Variants in TRIM2 observed in about 807,000 individuals in gnomAD.
TRIM2 encodes the protein tripartite motif-containing protein 2.
A neutral mutation model predicts 75.2 loss-of-function variants in TRIM2; 20 were observed. The observed-to-expected ratio is 0.27, with a 90% CI of 0.19 to 0.39. The LOEUF is 0.39. TRIM2 is among the 10% of genes least tolerant of loss of function. The pLI, the probability that TRIM2 is intolerant of heterozygous loss-of-function variation, is 1.00. For synonymous variants in TRIM2, 373 were observed against 388.3 expected (o/e 0.96, Z 0.46); for missense variants, 660 against 990.8 (o/e 0.67, Z 4.48).
intron 1 of TRIM2, among the ~76,000 whole-genome samples, chr4:153,209,968 T>C (rs1450951024): frequency 6.6e-6 from 1 of 152,154 alleles, no homozygotes; most frequent in Non-Finnish European, 1.5e-5. Flanking sequence ...CTCAGAATCA[T>C]GCACCATAAA....
intron 1 of TRIM2, among the ~76,000 whole-genome samples, chr4:153,263,310 CAGAG>C: frequency 6.6e-6 from 1 of 151,138 alleles, no homozygotes; most frequent in East Asian, 1.9e-4. Flanking sequence ...GCACGGGTGA[CAGAG>C]GGAGACCCTG....
chr4:153,212,975 G>A (rs775740541), intron 1 of TRIM2, among the ~76,000 whole-genome samples: 1 of 152,136 alleles, frequency 6.6e-6, no homozygotes, highest in Non-Finnish European at 1.5e-5. Flanking sequence ...TCTCCTACCA[G>A]GGCATGTACT....
intron 1 of TRIM2, among the ~76,000 whole-genome samples, chr4:153,180,461 C>T (rs760734980): frequency 3.2e-4 from 49 of 152,214 alleles, no homozygotes; most frequent in Non-Finnish European, 5.6e-4. Flanking sequence ...GTGAAAGGCA[C>T]GTTTTCCCAG....
chr4:153,253,264 C>G (rs1751289247), intron 1 of TRIM2, among the ~76,000 whole-genome samples: 1 of 152,168 alleles, frequency 6.6e-6, no homozygotes, highest in African/African-American at 2.4e-5. Flanking sequence ...TAGTGTTTCT[C>G]AAAGGAGATG....
chr4:153,168,116 T>A (rs1730490431), intron 1 of TRIM2, among the ~76,000 whole-genome samples: 1 of 126,628 alleles, frequency 7.9e-6, no homozygotes, highest in Non-Finnish European at 1.9e-5. Context: ...AAGGTGTCTG[T>A]ACAAGGATTT....
chr4:153,235,192 TG>T (rs1391310406), intron 1 of TRIM2, among the ~76,000 whole-genome samples: 5 of 152,210 alleles, frequency 3.3e-5, no homozygotes, highest in African/African-American at 1.2e-4. Context: ...TGGTGACAGC[TG>T]TGTGACTCTG....
intron 1 of TRIM2, among the ~76,000 whole-genome samples, chr4:153,231,992 G>C (rs1320775540): frequency 6.6e-6 from 1 of 152,062 alleles, no homozygotes; most frequent in African/African-American, 2.4e-5. Flanking sequence ...GAGCATTTCG[G>C]ATTTCAGTCT....
Position 153,230,689 on chromosome 4 carries a change from T to C in TRIM2, c.30+26129T>C, listed in dbSNP as rs116269471. Among the ~76,000 whole-genome samples, 1,523 of 152,348 alleles carry C rather than the reference T, an allele frequency of 1.0e-2. 22 individuals carry two copies. Among genetic ancestry groups the C allele is most frequent in the African/African-American group, 0.032 (1,348 of 41,570 alleles). On this transcript the variant is annotated intron_variant, in intron 1 of 11. Coordinates refer to ENST00000338700, the MANE Select transcript of TRIM2 (RefSeq NM_015271.5). Reference sequence around the variant, plus strand: ...CAGTATGCTATCTGTCTTTTATTTATGAAGATAACCCTGTTGACCCACCAG... The same window carrying C: ...CAGTATGCTATCTGTCTTTTATTTACGAAGATAACCCTGTTGACCCACCAG...
At chr4:153,202,433 G>C (rs376865436), upstream of TRIM2, among the ~76,000 whole-genome samples, 13 of 152,046 alleles carry the variant, frequency 8.6e-5, no homozygotes, top group Admixed American at 8.5e-4. Flanking sequence ...GCGTTGGCTC[G>C]TGCCTGTAAT....
At chr4:153,220,069 G>A (rs1739541174) in intron 1 of TRIM2, among the ~76,000 whole-genome samples, 1 of 152,144 alleles carries the variant, frequency 6.6e-6, no homozygotes, top group Non-Finnish European at 1.5e-5. Context: ...ATTGAGGAAA[G>A]GGAGGAACAG....
At chr4:153,203,849 G>C (rs1003682125), upstream of TRIM2, among the ~76,000 whole-genome samples, 4 of 152,166 alleles carry the variant, frequency 2.6e-5, no homozygotes, top group South Asian at 8.3e-4. Flanking sequence ...CCAAGATTGT[G>C]CCACTGCACT....
chr4:153,161,618 T>G (rs1227628849), intron 1 of TRIM2, among the ~76,000 whole-genome samples: 1 of 152,254 alleles, frequency 6.6e-6, no homozygotes, highest in Non-Finnish European at 1.5e-5. Flanking sequence ...CCCTGCTTAG[T>G]GAGTGCTTCG....
chr4:153,305,972 T>C (rs1453788080), intron 6 of TRIM2, among the ~76,000 whole-genome samples: 2 of 152,020 alleles, frequency 1.3e-5, no homozygotes, highest in Non-Finnish European at 2.9e-5. Flanking sequence ...CCGTCTCTAC[T>C]AAAAACACAA....
upstream of TRIM2, among the ~76,000 whole-genome samples, chr4:153,201,537 A>G (rs748749280): frequency 1.3e-5 from 2 of 151,958 alleles, no homozygotes; most frequent in African/African-American, 2.4e-5. Flanking sequence ...TTGAAGCACA[A>G]AAGGTTTTAA....
chr4:153,264,004 A>G (rs1221977051), intron 1 of TRIM2, among the ~76,000 whole-genome samples: 14 of 152,192 alleles, frequency 9.2e-5, no homozygotes, highest in Non-Finnish European at 1.3e-4. Context: ...GGACACAGAC[A>G]TGGAGTCTAT....
At chr4:153,208,725 T>C (rs1736134893) in intron 1 of TRIM2, among the ~76,000 whole-genome samples, 2 of 152,158 alleles carry the variant, frequency 1.3e-5, no homozygotes, top group Non-Finnish European at 1.5e-5. Context: ...AGCTAGAACA[T>C]GTAGACTGCC....
upstream of TRIM2, chr4:153,204,401 T>A (rs1734816267): frequency 9.6e-7 from 1 of 1,044,470 alleles, no homozygotes; most frequent in Non-Finnish European, 1.5e-6. Flanking sequence ...TGGCTTGTGC[T>A]GACTAGCTGT....
intron 3 of TRIM2, among the ~76,000 whole-genome samples, chr4:153,287,970 C>A (rs531470580): frequency 1.3e-5 from 2 of 152,260 alleles, no homozygotes; most frequent in East Asian, 3.9e-4. Flanking sequence ...ATACTAGCAA[C>A]AGACACTCAG....
intron 11 of TRIM2, among the ~76,000 whole-genome samples, chr4:153,334,303 G>A (rs1044210450): frequency 6.6e-6 from 1 of 151,902 alleles, no homozygotes; most frequent in Non-Finnish European, 1.5e-5. Flanking sequence ...TGGAGAGTAG[G>A]ATTATAGATA....
Sources: allele counts gnomAD v4.1 joint callset (sites outside exome capture counted in the v4.1 genomes callset), GRCh38; gene constraint gnomAD v4.1.1; transcripts MANE v1.5; gene names NCBI Gene and HGNC (gene_info 2026-07-23, HGNC 2026-07-21).